The following PARD3B variants were observed in gnomAD, a reference collection of about 807,000 sequenced individuals.
PARD3B encodes the protein par-3 family cell polarity regulator beta, also known as partitioning defective 3 homolog B.
In PARD3B, 103 loss-of-function variants were observed where a neutral mutation model predicts 130.2. That is an observed-to-expected ratio of 0.79 (90% CI 0.67 to 0.93). The LOEUF (loss-of-function observed/expected upper bound fraction) is 0.93, where lower values mean the gene tolerates loss of function less well. PARD3B is among the 40% of genes least tolerant of loss of function. PARD3B has a pLI of 0.00. For missense variants in PARD3B, 1,609 were observed against 1,499.2 expected, an observed-to-expected ratio of 1.07 and a Z score of -1.21; for synonymous variants, 583 against 553.2, an observed-to-expected ratio of 1.05 and a Z score of -0.76.
intron 1 of PARD3B, among the ~76,000 whole-genome samples, chr2:204,560,682 G>C (rs1014603238): frequency 4.6e-5 from 7 of 152,114 alleles, no homozygotes; most frequent in African/African-American, 1.7e-4. Flanking sequence ...AGTTTCTCCA[G>C]GACAGTTGTG....
chr2:205,510,989 A>T (rs2050567451), intron 21 of PARD3B, among the ~76,000 whole-genome samples: 1 of 152,038 alleles, frequency 6.6e-6, no homozygotes, highest in African/African-American at 2.4e-5. Flanking sequence ...ATCTCTACTG[A>T]CTCCCGGTGA....
intron 20 of PARD3B, among the ~76,000 whole-genome samples, chr2:205,480,734 G>A (rs1036451770): frequency 6.6e-6 from 1 of 152,174 alleles, no homozygotes; most frequent in East Asian, 1.9e-4. Context: ...AACACCTTCT[G>A]TTCTTGTGGT....
Position 205,292,052 on chromosome 2 carries a change from C to G in PARD3B, c.2186-8478C>G, listed in dbSNP as rs567482728. Among the ~76,000 whole-genome samples, 22 of 152,300 alleles carry G rather than the reference C, an allele frequency of 1.4e-4. No homozygotes were observed. The highest frequency in any genetic ancestry group is 4.3e-4 in the African/African-American group (18 of 41,576). ...GTGCATGCTGCATAGGGCAGCCAAA[C>G]ACCACTGGGTTCTATTCCTTGTGCT... On this transcript the variant is annotated intron_variant, in intron 16 of 22. Coordinates refer to ENST00000406610, the MANE Select transcript of PARD3B (RefSeq NM_001302769.2). The surrounding 1 kb of genome is among the most constrained non-coding windows in gnomAD (Gnocchi z 5.3).
intron 11 of PARD3B, among the ~76,000 whole-genome samples, chr2:205,163,553 T>C (rs2034631050): frequency 6.6e-6 from 1 of 152,142 alleles, no homozygotes; most frequent in South Asian, 2.1e-4. Context: ...AAAGAAAGAA[T>C]TTGGACCAAT....
intron 19 of PARD3B, among the ~76,000 whole-genome samples, chr2:205,423,072 G>A (rs1159735741): frequency 6.6e-6 from 1 of 152,192 alleles, no homozygotes; most frequent in Admixed American, 6.5e-5. Flanking sequence ...GTAGGAATGA[G>A]GTCATTCCTG....
At chr2:205,523,239 A>G (rs1007941475) in intron 21 of PARD3B, among the ~76,000 whole-genome samples, 14 of 146,584 alleles carry the variant, frequency 9.6e-5, no homozygotes, top group African/African-American at 3.0e-4. Flanking sequence ...ATATATATAT[A>G]TATTTATATA....
In PARD3B at chr2:205,405,850, TA is replaced by T. The variant is rs2046401035; in HGVS notation, c.2741+4729del. On this transcript the variant is annotated intron_variant, in intron 19 of 22. Coordinates refer to ENST00000406610, the MANE Select transcript of PARD3B (RefSeq NM_001302769.2). This position sits in a 1 kb window ranked among gnomAD's most constrained non-coding sequence, Gnocchi z 4.1. ...ACAGGATGTGGAAGGTTTGATTTAATAACAAATATATGAAACATTTGCCTGA... is the reference window on the plus strand; with the variant it reads ...ACAGGATGTGGAAGGTTTGATTTAATACAAATATATGAAACATTTGCCTGA... Among the ~76,000 whole-genome samples the T allele has an allele frequency of 6.6e-6, 1 of 152,200 alleles. No homozygotes were observed. The highest frequency in any genetic ancestry group is 1.5e-5 in the Non-Finnish European group (1 of 68,032).
chr2:205,231,995 C>A (rs2038859701), intron 15 of PARD3B, among the ~76,000 whole-genome samples: 1 of 152,184 alleles, frequency 6.6e-6, no homozygotes, highest in African/African-American at 2.4e-5. Context: ...ATCTCATAAT[C>A]CGTAGGACAT....
intron 2 of PARD3B, among the ~76,000 whole-genome samples, chr2:204,759,800 A>C (rs1251961347): frequency 2.0e-5 from 3 of 152,048 alleles, no homozygotes; most frequent in Admixed American, 6.6e-5. Context: ...TTATATCCTC[A>C]TCTGCATCTG....
At chr2:205,333,705 C>T (rs982536326) in intron 18 of PARD3B, among the ~76,000 whole-genome samples, 3 of 152,108 alleles carry the variant, frequency 2.0e-5, no homozygotes, top group African/African-American at 7.2e-5. Flanking sequence ...ACCCTGAAGA[C>T]GTGGAATGAG....
At chr2:205,218,202 A>G (rs2038053650) in intron 15 of PARD3B, among the ~76,000 whole-genome samples, 1 of 151,910 alleles carries the variant, frequency 6.6e-6, no homozygotes, top group South Asian at 2.1e-4. Flanking sequence ...CAAATTTTCT[A>G]TTTTTATGTC....
At position 205,263,194 on chromosome 2, in the gene PARD3B, C is replaced by G. The variant is rs2040381683; in HGVS notation, c.2185+17372C>G. The stretch of plus-strand genomic sequence containing the variant: ...CAACTATTTATTTCAGAGCCTTGTT[C>G]TATTAGTTAATGGTTCTTTCTCTTC... On this transcript the variant is annotated intron_variant, in intron 16 of 22. Transcript: ENST00000406610. The surrounding 1 kb of genome is among the most constrained non-coding windows in gnomAD (Gnocchi z 4.0). 6.6e-6 allele frequency among the ~76,000 whole-genome samples: 1 copy of G among 152,066 alleles called. No homozygotes were observed. The highest frequency in any genetic ancestry group is 2.1e-4 in the South Asian group (1 of 4,830).
intron 18 of PARD3B, among the ~76,000 whole-genome samples, chr2:205,392,926 C>A (rs1409782418): frequency 6.6e-6 from 1 of 152,144 alleles, no homozygotes; most frequent in Non-Finnish European, 1.5e-5. Flanking sequence ...ATAATATTAA[C>A]ATAAAAGTGA....
chr2:204,728,096 C>T (rs1009071742), intron 2 of PARD3B, among the ~76,000 whole-genome samples: 2 of 152,142 alleles, frequency 1.3e-5, no homozygotes, highest in African/African-American at 2.4e-5. Context: ...ATTGTCCTAC[C>T]TCACTTTCAC....
At position 204,545,611 on chromosome 2, in the gene PARD3B, C is replaced by CGCCAGG. The variant is rs561632177; in HGVS notation, c.-370_-365dup. ...GGCTTGGGGCCGGCCCTGCCAACGCCGCCAGGGCCAGGGCCAGGGCCAGGA... is the reference window on the plus strand; with the variant it reads ...GGCTTGGGGCCGGCCCTGCCAACGCCGCCAGGGCCAGGGCCAGGGCCAGGGCCAGGA... On this transcript the variant is annotated 5_prime_UTR_variant, in exon 1 of 23. Coordinates refer to ENST00000406610, the MANE Select transcript of PARD3B (RefSeq NM_001302769.2). Among the ~76,000 whole-genome samples the CGCCAGG allele has an allele frequency of 8.4e-4, 128 of 152,000 alleles. 1 individual carries two copies. The highest frequency in any genetic ancestry group is 4.3e-3 in the East Asian group (22 of 5,128).
intron 16 of PARD3B, among the ~76,000 whole-genome samples, chr2:205,272,644 T>C (rs780227364): frequency 8.5e-5 from 13 of 152,202 alleles, no homozygotes; most frequent in African/African-American, 1.2e-4. Context: ...TCTGGCCTCC[T>C]GCGTCTCCAT....
In PARD3B at chr2:205,352,399, C is replaced by T. The variant is rs2044027734; in HGVS notation, c.2631-48614C>T. ...ATGGGTTTCATATGGTAACTAGTGA[C>T]CTTGAAGGACTCAATTTTTAAGATA... On this transcript the variant is annotated intron_variant, in intron 18 of 22. Transcript: ENST00000406610. This position sits in a 1 kb window ranked among gnomAD's most constrained non-coding sequence, Gnocchi z 5.2. Among the ~76,000 whole-genome samples, 1 of 152,098 alleles carries T rather than the reference C, an allele frequency of 6.6e-6. No homozygotes were observed. The highest frequency in any genetic ancestry group is 2.4e-5 in the African/African-American group (1 of 41,398).
At chr2:204,688,472 C>T (rs553448302) in intron 2 of PARD3B, among the ~76,000 whole-genome samples, 9 of 150,390 alleles carry the variant, frequency 6.0e-5, no homozygotes, top group African/African-American at 2.2e-4. Context: ...CCCAGCTACT[C>T]AGGAGGCTGA....
intron 2 of PARD3B, among the ~76,000 whole-genome samples, chr2:204,801,250 G>A (rs1354366083): frequency 6.6e-6 from 1 of 152,188 alleles, no homozygotes; most frequent in African/African-American, 2.4e-5. Context: ...ATTCTGTGAA[G>A]AAAGTCAGTC....
Sources: gnomAD v4.1 joint callset for allele counts (sites outside exome capture counted in the v4.1 genomes callset) on GRCh38, gnomAD v4.1.1 for gene constraint, Gnocchi (gnomAD v3.1) non-coding constraint, MANE v1.5 for transcripts, NCBI Gene and HGNC (gene_info 2026-07-23, HGNC 2026-07-21) for gene names.